TMEM135: variants seen among roughly 807,000 people sequenced by gnomAD.
TMEM135 encodes transmembrane protein 135.
In TMEM135, 30 loss-of-function variants were observed where a neutral mutation model predicts 60.3. That is an observed-to-expected ratio of 0.50 (90% CI 0.37 to 0.68). TMEM135 has a LOEUF of 0.68. Among genes scored for constraint, TMEM135 ranks in the 30% least tolerant of loss-of-function variants. The probability of loss-of-function intolerance (pLI) is 0.00; values close to 1 mark genes in which losing one functional copy is unlikely to be tolerated. For missense variants in TMEM135, 468 were observed against 548.8 expected (o/e 0.85, Z 1.47); for synonymous variants, 190 against 186.7 (o/e 1.02, Z -0.14).
intron 3 of TMEM135, among the ~76,000 whole-genome samples, chr11:87,071,924 T>G (rs1856779569): frequency 6.6e-6 from 1 of 152,256 alleles, no homozygotes; most frequent in South Asian, 2.1e-4. Context: ...AGGCAGCTCA[T>G]TCCTGTAATC....
chr11:87,229,398 A>C (rs1239295698), intron 5 of TMEM135, among the ~76,000 whole-genome samples: 1 of 152,134 alleles, frequency 6.6e-6, no homozygotes, highest in Non-Finnish European at 1.5e-5. Flanking sequence ...TGTAACTATA[A>C]TATGAAATAA....
intron 5 of TMEM135, among the ~76,000 whole-genome samples, chr11:87,170,054 T>C (rs965965729): frequency 1.5e-5 from 2 of 131,290 alleles, no homozygotes; most frequent in Admixed American, 8.2e-5. Flanking sequence ...GTCTCTGATA[T>C]CCTTTTTCCA....
At position 87,320,821 on chromosome 11, in the gene TMEM135, A is replaced by G. The variant is rs146010453; in HGVS notation, c.1245-380A>G. On this transcript the variant is annotated intron_variant, in intron 14 of 14. Coordinates refer to ENST00000305494, the MANE Select transcript of TMEM135 (RefSeq NM_022918.4). ...ATTTAATGCTTTTGCCTCATTGGTAATGTTAGCTCATTTATTGTTTAGTTT... is the reference window on the plus strand; with the variant it reads ...ATTTAATGCTTTTGCCTCATTGGTAGTGTTAGCTCATTTATTGTTTAGTTT... Among the ~76,000 whole-genome samples the G allele has an allele frequency of 6.6e-4, 101 of 152,290 alleles. 1 individual carries two copies. The East Asian group carries it at 0.019, about 29-fold the overall frequency.
chr11:87,237,558 G>A (rs1156675573), intron 6 of TMEM135, among the ~76,000 whole-genome samples: 2 of 151,814 alleles, frequency 1.3e-5, no homozygotes, highest in Non-Finnish European at 2.9e-5. Flanking sequence ...AACCATACCA[G>A]AATTTTTAAA....
intron 4 of TMEM135, 68 bp downstream of exon 4, chr11:87,091,463 A>T (rs910095270): frequency 6.0e-6 from 9 of 1,491,094 alleles, no homozygotes; most frequent in Admixed American, 1.7e-5. Context: ...AAGTTTTCTT[A>T]AAAAAAGTAA....
intron 1 of TMEM135, among the ~76,000 whole-genome samples, chr11:87,054,769 A>T (rs913727094): frequency 6.6e-6 from 1 of 151,932 alleles, no homozygotes. Flanking sequence ...CGATTTTTAA[A>T]CCTTGAAAGA....
chr11:87,207,312 T>C (rs1940256671), intron 5 of TMEM135, among the ~76,000 whole-genome samples: 1 of 152,204 alleles, frequency 6.6e-6, no homozygotes, highest in African/African-American at 2.4e-5. Context: ...TTAATAATTC[T>C]GCTTTTTTAT....
At chr11:87,121,829 G>A (rs1254403493) in intron 4 of TMEM135, among the ~76,000 whole-genome samples, 1 of 151,778 alleles carries the variant, frequency 6.6e-6, no homozygotes, top group Non-Finnish European at 1.5e-5. Context: ...TAGTAGAGAC[G>A]GGGATTCACC....
intron 5 of TMEM135, among the ~76,000 whole-genome samples, chr11:87,213,007 C>A (rs943421030): frequency 6.6e-6 from 1 of 152,174 alleles, no homozygotes; most frequent in African/African-American, 2.4e-5. Context: ...TTTAACTCAT[C>A]TTTCTCTGGT....
Position 87,325,500 on chromosome 11 carries a change from C to T in TMEM135, c.*4167C>T. ...GCTGTTTTATGTGGGCTCTCTCTCT[C>T]TCCCTCTCTCTCTCTCTCTGTCTGT... On this transcript the variant is annotated 3_prime_UTR_variant, in exon 15 of 15. Coordinates refer to ENST00000305494, the MANE Select transcript of TMEM135 (RefSeq NM_022918.4). 2.2e-6 allele frequency: 1 copy of T among 453,682 alleles called. No individual in the cohort carries two copies. The highest frequency in any genetic ancestry group is 4.4e-6 in the Non-Finnish European group (1 of 226,602). 28.1% of individuals were successfully genotyped at this position (453,682 alleles called of 1,614,324 possible). A position where few individuals can be genotyped will look rare whatever the true frequency, so the allele number is the denominator to read the frequency against.
Position 87,098,649 on chromosome 11 carries a change from T to A in TMEM135, c.396+7254T>A, listed in dbSNP as rs1857384787. On this transcript the variant is annotated intron_variant, in intron 4 of 14. Transcript: ENST00000305494. ...AGAATCTAAAACAATTGATTAATCT[T>A]GGTTATAGATTATTTATATTGTATA... 3.9e-5 allele frequency among the ~76,000 whole-genome samples: 6 copies of A among 152,202 alleles called. 1 individual carries two copies. In the South Asian group the frequency reaches 1.2e-3, roughly 32 times the overall value.
chr11:87,306,329 A>G (rs1328196740), intron 9 of TMEM135, among the ~76,000 whole-genome samples: 1 of 152,240 alleles, frequency 6.6e-6, no homozygotes, highest in African/African-American at 2.4e-5. Flanking sequence ...ATGTATCCTC[A>G]TTAGAACTAC....
intron 5 of TMEM135, among the ~76,000 whole-genome samples, chr11:87,158,336 A>G (rs1207848699): frequency 5.3e-5 from 8 of 152,186 alleles, no homozygotes; most frequent in Non-Finnish European, 1.2e-4. Context: ...GTTAAACAGA[A>G]TTGTATTACT....
At chr11:87,204,501 C>T (rs1452077954) in intron 5 of TMEM135, among the ~76,000 whole-genome samples, 1 of 152,096 alleles carries the variant, frequency 6.6e-6, no homozygotes, top group Non-Finnish European at 1.5e-5. Flanking sequence ...AATAATTTAA[C>T]TACTAATAGC....
chr11:87,250,222 T>C (rs1297670329), intron 6 of TMEM135, among the ~76,000 whole-genome samples: 1 of 152,170 alleles, frequency 6.6e-6, no homozygotes, highest in Non-Finnish European at 1.5e-5. Flanking sequence ...GGCTAAAGTT[T>C]TGTCGATCTA....
At chr11:87,220,733 A>C (rs1940600251) in intron 5 of TMEM135, among the ~76,000 whole-genome samples, 1 of 152,198 alleles carries the variant, frequency 6.6e-6, no homozygotes, top group Non-Finnish European at 1.5e-5. Flanking sequence ...GATATTTTTA[A>C]AAGTAGACAC....
chr11:87,117,054 C>T (rs962689916), intron 4 of TMEM135, among the ~76,000 whole-genome samples: 6 of 152,090 alleles, frequency 3.9e-5, no homozygotes, highest in African/African-American at 1.2e-4. Context: ...AACTTCTGAC[C>T]TCATGATCCA....
At chr11:87,271,873 C>G (rs1316630186) in intron 6 of TMEM135, among the ~76,000 whole-genome samples, 1 of 151,682 alleles carries the variant, frequency 6.6e-6, no homozygotes, top group African/African-American at 2.4e-5. Context: ...GAAGTCGAGG[C>G]TGCATTGAGC....
chr11:87,131,912 G>A (rs1022619058), intron 4 of TMEM135, among the ~76,000 whole-genome samples: 2 of 152,012 alleles, frequency 1.3e-5, no homozygotes, highest in Admixed American at 6.6e-5. Context: ...CAGTGACAGC[G>A]TTAGGTTCTC....
Sources: gnomAD v4.1 joint callset for allele counts (sites outside exome capture counted in the v4.1 genomes callset) on GRCh38, gnomAD v4.1.1 for gene constraint, MANE v1.5 for transcripts, NCBI Gene and HGNC (gene_info 2026-07-23, HGNC 2026-07-21) for gene names.